The following AKAP9 variants were observed in gnomAD, a reference collection of about 807,000 sequenced individuals.
The protein encoded by AKAP9 is A-kinase anchoring protein 9, also known as A-kinase anchor protein 9.
In AKAP9, 311 loss-of-function variants were observed where a neutral mutation model predicts 488.5. The ratio of observed to expected loss-of-function variants is 0.64; its 90% confidence interval spans 0.58 to 0.70. The LOEUF (loss-of-function observed/expected upper bound fraction) is 0.70, where lower values mean the gene tolerates loss of function less well. Ranked by LOEUF, AKAP9 falls within the 30% of genes least tolerant of loss-of-function variation. The probability of loss-of-function intolerance (pLI) is 0.00; values close to 1 mark genes in which losing one functional copy is unlikely to be tolerated. For synonymous variants in AKAP9, 1,462 were observed against 1,483.5 expected (o/e 0.99, Z 0.33); for missense variants, 4,215 against 4,374.5 (o/e 0.96, Z 1.03).
In AKAP9 at chr7:92,105,689, T is replaced by C. The variant is rs779122050; in HGVS notation, c.11342T>C (p.Leu3781Ser). 6.6e-5 allele frequency: 106 copies of C among 1,613,906 alleles called. No individual in the cohort carries two copies. Among genetic ancestry groups the C allele is most frequent in the Non-Finnish European group, 8.6e-5 (102 of 1,179,854 alleles). The change falls in exon 47 of 50, where the codon TTG (leucine) becomes TCG (serine). Residue 3781 changes from leucine to serine, a missense_variant. By Grantham distance (145) the Leu-to-Ser change is moderately radical (BLOSUM62 -2). Transcript: ENST00000356239. The stretch of plus-strand genomic sequence containing the variant: ...GGAATCTTTTTTAGAATGAAATTTT[T>C]GGTTCGACGGTGGCATCGAGTCACA... ...VSIAISRMKF[L>S]VRRWHRVTGS... is the part of the protein sequence containing the mutation.
intron 1 of AKAP9, among the ~76,000 whole-genome samples, chr7:91,959,512 T>G (rs1459219264): frequency 6.6e-6 from 1 of 152,138 alleles, no homozygotes; most frequent in African/African-American, 2.4e-5. Context: ...TGTTATGCTG[T>G]TCTGGCTGGC....
intron 36 of AKAP9, among the ~76,000 whole-genome samples, chr7:92,085,941 A>G (rs1299601466): frequency 6.6e-6 from 1 of 152,064 alleles, no homozygotes; most frequent in Non-Finnish European, 1.5e-5. Context: ...CGTCTCTACT[A>G]AAAATACAAA....
chr7:92,098,968 C>T (rs1817094134), intron 43 of AKAP9, among the ~76,000 whole-genome samples: 2 of 152,126 alleles, frequency 1.3e-5, no homozygotes, highest in Admixed American at 1.3e-4. Flanking sequence ...ACATTTTTCC[C>T]TGGGGAAATG....
chr7:91,947,225 A>G (rs1228959537), intron 1 of AKAP9, among the ~76,000 whole-genome samples: 9 of 151,764 alleles, frequency 5.9e-5, no homozygotes, highest in Non-Finnish European at 1.3e-4. Flanking sequence ...AGAATTTATA[A>G]TACTGCTATC....
intron 43 of AKAP9, among the ~76,000 whole-genome samples, chr7:92,099,322 G>C (rs1382167855): frequency 6.6e-6 from 1 of 152,086 alleles, no homozygotes; most frequent in Non-Finnish European, 1.5e-5. Context: ...AATTTCCCCT[G>C]CTTTGTACAT....
Position 92,108,684 on chromosome 7 carries a change from G to A in AKAP9, c.11686+51G>A, listed in dbSNP as rs376958418. Reference sequence around the variant, plus strand: ...GCAGCACCACAGTGCGAGACCCACAGCTCCCCTTTCTTTGAAATTCTTTCA... The same window carrying A: ...GCAGCACCACAGTGCGAGACCCACAACTCCCCTTTCTTTGAAATTCTTTCA... On this transcript the variant is annotated intron_variant, in intron 49 of 49. Coordinates refer to ENST00000356239, the MANE Select transcript of AKAP9 (RefSeq NM_005751.5). The A allele has an allele frequency of 1.7e-4, 276 of 1,608,790 alleles. 1 individual carries two copies. In the African/African-American group the frequency reaches 3.4e-3, roughly 20 times the overall value.
chr7:92,030,031 C>T, intron 15 of AKAP9, 40 bp downstream of exon 15: 1 of 1,327,010 alleles, frequency 7.5e-7, no homozygotes, highest in Non-Finnish European at 1.1e-6. Flanking sequence ...CTGTTATATA[C>T]ACTGATTTTT....
At chr7:92,100,777 A>G in intron 44 of AKAP9, 79 bp from the exon 45 acceptor site, 1 of 1,543,346 alleles carries the variant, frequency 6.5e-7, no homozygotes. Context: ...AGACTGCATC[A>G]TCATGCAGAT....
intron 43 of AKAP9, among the ~76,000 whole-genome samples, chr7:92,099,150 G>A (rs1024415791): frequency 1.3e-5 from 2 of 152,162 alleles, no homozygotes; most frequent in African/African-American, 2.4e-5. Context: ...CATCTAGACA[G>A]TCACTAAATC....
Position 92,010,387 on chromosome 7 carries a change from T to A in AKAP9, c.3319-2042T>A, listed in dbSNP as rs538515751. ...ACCAGATAATTACCCACAAGTGTGT[T>A]GACTCAAAGCCTTTGTCATTAAATC... On this transcript the variant is annotated intron_variant, in intron 8 of 49. Coordinates refer to ENST00000356239, the MANE Select transcript of AKAP9 (RefSeq NM_005751.5). Among the ~76,000 whole-genome samples, 5 of 152,342 alleles carry A rather than the reference T, an allele frequency of 3.3e-5. No individual in the cohort carries two copies. In the South Asian group the frequency reaches 1.0e-3, roughly 32 times the overall value.
At chr7:92,053,059 T>C (rs191253223) in intron 22 of AKAP9, 101 bp downstream of exon 22, 222 of 1,031,324 alleles carry the variant, frequency 2.2e-4, no homozygotes, top group Non-Finnish European at 2.8e-4. Context: ...GATAGCTGTT[T>C]GGCATTTTCA....
chr7:92,033,042 C>T (rs1804548489), intron 16 of AKAP9, among the ~76,000 whole-genome samples: 2 of 152,100 alleles, frequency 1.3e-5, no homozygotes, highest in African/African-American at 4.8e-5. Context: ...TGAGCTAATG[C>T]ATATAGAACA....
In AKAP9 at chr7:91,994,628, A is replaced by G; in HGVS notation, c.584A>G (p.Glu195Gly). ...CTTACTATTTTCTTTCAGTTACAAG[A>G]ATTTGAAGCTGCCATTAAACAAAGA... ...YGTEGLQQLQEFEAAIKQRDG... is the reference protein window; with the variant it reads ...YGTEGLQQLQGFEAAIKQRDG... The change falls in exon 6 of 50, where the codon GAA (glutamate) becomes GGA (glycine). Residue 195 changes from glutamate to glycine, a missense_variant. Glu to Gly is a moderately conservative substitution (Grantham distance 98, BLOSUM62 -2). This residue lies in a region of AKAP9 where 2,361 missense variants were observed against 2,430.0 expected (regional missense o/e 0.97). Coordinates refer to ENST00000356239, the MANE Select transcript of AKAP9 (RefSeq NM_005751.5). 6 of 1,612,222 alleles carry G rather than the reference A, an allele frequency of 3.7e-6. No homozygotes were observed. The highest frequency in any genetic ancestry group is 5.1e-6 in the Non-Finnish European group (6 of 1,179,216).
At chr7:92,109,805 G>A (rs1201607409) in intron 49 of AKAP9, among the ~76,000 whole-genome samples, 1 of 152,174 alleles carries the variant, frequency 6.6e-6, no homozygotes, top group East Asian at 1.9e-4. Context: ...ACAAAAATTT[G>A]CTGGACATGG....
rs767298163 is a variant in AKAP9, at chr7:92,097,602, T to TA, written c.10417dup (p.Thr3473AsnfsTer3). 10 of 1,613,442 alleles carry TA rather than the reference T, an allele frequency of 6.2e-6. No homozygotes were observed. In the Admixed American group the frequency reaches 1.7e-4, roughly 27 times the overall value. ...AATTGCCAGCCAACCACGTGGAGCT[T>TA]AACCAGTGATAGAACTAGAAATTGG... is the stretch of plus-strand genomic sequence containing the variant. On this transcript the variant is annotated frameshift_variant, in exon 42 of 50. Coordinates refer to ENST00000356239, the MANE Select transcript of AKAP9 (RefSeq NM_005751.5). LOFTEE classifies it high-confidence loss of function.
At chr7:92,097,419 A>C (rs1816808003) in intron 41 of AKAP9, 62 bp downstream of exon 41, 1 of 1,577,078 alleles carries the variant, frequency 6.3e-7, no homozygotes, top group African/African-American at 1.4e-5. Context: ...TTGATCATTA[A>C]ATTTTGATAT....
rs754385942 is a variant in AKAP9, at chr7:92,065,229, A to G, written c.5978-2A>G. On this transcript the variant is annotated splice_acceptor_variant, in intron 24 of 49. Coordinates refer to ENST00000356239, the MANE Select transcript of AKAP9 (RefSeq NM_005751.5). LOFTEE classifies it high-confidence loss of function. ...TTCAGTATATTTTGTATTAATAAAC[A>G]GAATTACTACAGGAGACAGAAAAAT... The G allele has an allele frequency of 3.9e-6, 6 of 1,554,590 alleles. No homozygotes were observed. Among genetic ancestry groups the G allele is most frequent in the Non-Finnish European group, 5.3e-6 (6 of 1,128,992 alleles).
rs759159224 is a variant in AKAP9 at position 92,022,861 on chromosome 7, A to C, written c.4000A>C (p.Thr1334Pro). ...ATCTTCTCTGCAAGATCTTGAAAAA[A>C]CTAAACTTGAAGAACAAGTTCAAGA... ...KLSSLQDLEKTKLEEQVQELE... is the reference protein window; with the variant it reads ...KLSSLQDLEKPKLEEQVQELE... The change falls in exon 14 of 50, where the codon ACT becomes CCT. Residue 1334 changes from threonine (T) to proline (P), a missense_variant. Physicochemically the swap from Thr to Pro is conservative, Grantham distance 38. This residue lies in a region of AKAP9 where 2,361 missense variants were observed against 2,430.0 expected (regional missense o/e 0.97). Transcript: ENST00000356239. 6.3e-7 allele frequency: 1 copy of C among 1,575,820 alleles called. No homozygotes were observed. The highest frequency in any genetic ancestry group is 1.1e-5 in the South Asian group (1 of 90,062).
intron 1 of AKAP9, 154 bp from the exon 2 acceptor site, chr7:91,973,557 T>C: frequency 1.3e-6 from 1 of 799,880 alleles, no homozygotes; most frequent in Non-Finnish European, 2.0e-6. Context: ...ATTCCAGTAG[T>C]TACATTAAAG....
Sources: gnomAD v4.1 joint callset for allele counts (sites outside exome capture counted in the v4.1 genomes callset) on GRCh38, gnomAD v4.1.1 for gene constraint, gnomAD v4.1.1 regional missense constraint, MANE v1.5 for transcripts, NCBI Gene and HGNC (gene_info 2026-07-23, HGNC 2026-07-21) for gene names.